P2RX5: variants seen among roughly 807,000 people sequenced by gnomAD.
P2RX5 encodes the protein P2X purinoceptor 5.
In P2RX5, 46 loss-of-function variants were observed where a neutral mutation model predicts 54.1. The observed-to-expected ratio is 0.85, with a 90% CI of 0.67 to 1.09. The LOEUF is 1.09. P2RX5 is among the 50% of genes least tolerant of loss of function. P2RX5 has a pLI of 0.00. For missense variants in P2RX5, 566 were observed against 549.8 expected (o/e 1.03, Z -0.29); for synonymous variants, 226 against 226.4 (o/e 1.00, Z 0.02).
At chr17:3,700,953 G>C (rs763835419), upstream of P2RX5, among the ~76,000 whole-genome samples, 2 of 152,132 alleles carry the variant, frequency 1.3e-5, no homozygotes, top group Non-Finnish European at 2.9e-5. Context: ...CGAATGGCTG[G>C]TGTTCAGAGC....
chr17:3,721,985 G>T, the P2RX5 span, among the ~76,000 whole-genome samples: 1 of 151,924 alleles, frequency 6.6e-6, no homozygotes, highest in Non-Finnish European at 1.5e-5. Flanking sequence ...TTCAAGACCA[G>T]CCTCACCAAC....
chr17:3,717,011 T>G, the P2RX5 span: 3 of 478,966 alleles, frequency 6.3e-6, no homozygotes, highest in Non-Finnish European at 1.1e-5. Context: ...CGTAAGAAAC[T>G]ATTCTGGCCC....
the P2RX5 span, among the ~76,000 whole-genome samples, chr17:3,702,802 G>A: frequency 6.6e-6 from 1 of 152,148 alleles, no homozygotes; most frequent in Non-Finnish European, 1.5e-5. Flanking sequence ...GACACATTGG[G>A]ACTATATGCG....
intron 9 of P2RX5, 61 bp from the exon 10 acceptor site, chr17:3,682,039 G>T: frequency 1.7e-6 from 2 of 1,181,914 alleles, no homozygotes; most frequent in Non-Finnish European, 2.5e-6. Flanking sequence ...TTCATTTAGG[G>T]CACTTTGCCC....
chr17:3,688,085 T>C lies in P2RX5; in HGVS notation c.908A>G (p.Asp303Gly). The change falls in exon 9 of 12, where the codon GAC becomes GGC. Residue 303 changes from aspartate (D) to glycine (G), a missense_variant. Physicochemically the swap from Asp to Gly is moderately conservative, Grantham distance 94. Transcript: ENST00000225328. ...GGTGCGGAACTCCACCCCGGCTGCG[T>C]CTCGGTAATATCTGGCAAATCTGAG... ...YNFRFARYYR[D>G]AAGVEFRTLM... The C allele has an allele frequency of 6.3e-7, 1 of 1,599,988 alleles. No homozygotes were observed. Among genetic ancestry groups the C allele is most frequent in the Non-Finnish European group, 8.5e-7 (1 of 1,171,872 alleles).
At chr17:3,680,762 T>A (rs934987545) in intron 10 of P2RX5, among the ~76,000 whole-genome samples, 560 of 61,828 alleles carry the variant, frequency 9.1e-3, no homozygotes, top group Non-Finnish European at 0.014. Flanking sequence ...TCCTCCACCC[T>A]GCATCCTCCA....
chr17:3,723,705 C>T, the P2RX5 span: 2 of 1,602,742 alleles, frequency 1.2e-6, no homozygotes, highest in Non-Finnish European at 1.7e-6. Context: ...GAACTGTACG[C>T]ACAAGCGCGC....
Position 3,673,642 on chromosome 17 carries a change from A to T in P2RX5, c.*226T>A, listed in dbSNP as rs1360271017. On this transcript the variant is annotated 3_prime_UTR_variant, in exon 12 of 12. Coordinates refer to ENST00000225328, the MANE Select transcript of P2RX5 (RefSeq NM_002561.4). ...CACGGAGAAAGGAAGAACTGACGGCAGGGGGTGGGGCAAAAAGACAGCCAT... is the reference window on the plus strand; with the variant it reads ...CACGGAGAAAGGAAGAACTGACGGCTGGGGGTGGGGCAAAAAGACAGCCAT... The T allele has an allele frequency of 1.7e-5, 24 of 1,436,086 alleles. No individual in the cohort carries two copies. The highest frequency in any genetic ancestry group is 2.2e-5 in the Non-Finnish European group (24 of 1,096,502). The allele number at this position is 1,436,086 out of a possible 1,614,324, so 89.0% of individuals were successfully genotyped here. A position where few individuals can be genotyped will look rare whatever the true frequency, so the allele number is the denominator to read the frequency against.
the P2RX5 span, among the ~76,000 whole-genome samples, chr17:3,703,243 A>G: frequency 6.6e-6 from 1 of 152,198 alleles, no homozygotes; most frequent in Non-Finnish European, 1.5e-5. Flanking sequence ...AGTGGCTCAC[A>G]CCTACAATCC....
At chr17:3,723,345 A>C in the P2RX5 span, 1 of 1,613,996 alleles carries the variant, frequency 6.2e-7, no homozygotes, top group South Asian at 1.1e-5. Context: ...CTTTATCTGA[A>C]GCGATGACAC....
the P2RX5 span, chr17:3,720,326 G>T: frequency 6.4e-7 from 1 of 1,574,752 alleles, no homozygotes; most frequent in Non-Finnish European, 8.7e-7. Flanking sequence ...GTGGTTCTCT[G>T]CATTCAGTCC....
At chr17:3,690,288 G>A in intron 5 of P2RX5, 138 bp from the exon 6 acceptor site, 6 of 1,122,994 alleles carry the variant, frequency 5.3e-6, no homozygotes, top group Non-Finnish European at 8.1e-6. Flanking sequence ...ATGCTGGGGA[G>A]GCCGTCGGGC....
intron 2 of P2RX5, 100 bp downstream of exon 2, chr17:3,691,544 T>C (rs1429812892): frequency 6.2e-6 from 9 of 1,441,336 alleles, no homozygotes; most frequent in Non-Finnish European, 8.7e-6. Context: ...AGAGAGATGA[T>C]GGATGGGGGT....
At position 3,673,661 on chromosome 17, in the gene P2RX5, CA is replaced by C; in HGVS notation, c.*206del. ...GACGGCAGGGGGTGGGGCAAAAAGA[CA>C]GCCATGATGGGTCCGTCCTGATGAC... On this transcript the variant is annotated 3_prime_UTR_variant, in exon 12 of 12. Coordinates refer to ENST00000225328, the MANE Select transcript of P2RX5 (RefSeq NM_002561.4). 1 of 1,451,470 alleles carries C rather than the reference CA, an allele frequency of 6.9e-7. No individual in the cohort carries two copies. Among genetic ancestry groups the C allele is most frequent in the South Asian group, 1.4e-5 (1 of 68,994 alleles). 89.9% of individuals were successfully genotyped at this position (1,451,470 alleles called of 1,614,324 possible).
At chr17:3,679,846 G>A (rs1472627721) in intron 10 of P2RX5, 62 bp from the exon 11 acceptor site, 7 of 1,425,758 alleles carry the variant, frequency 4.9e-6, no homozygotes, top group Non-Finnish European at 3.9e-6. Context: ...CTCCTAGACG[G>A]GCGGAGTGGG....
the P2RX5 span, among the ~76,000 whole-genome samples, chr17:3,703,402 C>T: frequency 6.6e-6 from 1 of 152,090 alleles, no homozygotes; most frequent in African/African-American, 2.4e-5. Context: ...GTGGCAAGTA[C>T]CTGTGGTCCC....
the P2RX5 span, among the ~76,000 whole-genome samples, chr17:3,721,061 T>G: frequency 1.3e-5 from 2 of 151,958 alleles, no homozygotes; most frequent in African/African-American, 4.8e-5. Context: ...CCTGAGTAGC[T>G]GAGACCACAG....
At chr17:3,682,361 C>T (rs973226317) in intron 9 of P2RX5, 7 of 351,592 alleles carry the variant, frequency 2.0e-5, no homozygotes, top group African/African-American at 1.5e-4. Context: ...AGGAGACAGG[C>T]GTGTCGATGA....
chr17:3,684,022 C>T lies in P2RX5; in HGVS notation c.982-2044G>A, dbSNP rs187499238. 8.3e-4 allele frequency among the ~76,000 whole-genome samples: 126 copies of T among 152,330 alleles called. 2 individuals carry two copies. The highest frequency in any genetic ancestry group is 1.2e-4 in the Non-Finnish European group (8 of 68,032). On this transcript the variant is annotated intron_variant, in intron 9 of 11. Coordinates refer to ENST00000225328, the MANE Select transcript of P2RX5 (RefSeq NM_002561.4). The stretch of plus-strand genomic sequence containing the variant: ...CCAGAAACCTGGGAAAGGGACCTGC[C>T]GGGATGGGCACTGACCACTCCCATG...
Sources: gnomAD v4.1 joint callset for allele counts (sites outside exome capture counted in the v4.1 genomes callset) on GRCh38, gnomAD v4.1.1 for gene constraint, MANE v1.5 for transcripts, NCBI Gene and HGNC (gene_info 2026-07-23, HGNC 2026-07-21) for gene names.